The following NEAT1 variants were observed in gnomAD, a reference collection of about 807,000 sequenced individuals.
NEAT1 encodes the protein nuclear paraspeckle assembly transcript 1.
chr11:65,424,912 C>A (rs1856545553), exon 1 of NEAT1: 1 of 151,750 alleles, frequency 6.6e-6, no homozygotes, highest in Non-Finnish European at 1.5e-5. Flanking sequence ...GGCACCGGTC[C>A]CGTGGGCGTT....
exon 1 of NEAT1, chr11:65,426,955 T>C (rs1452495633): frequency 6.6e-6 from 1 of 152,196 alleles, no homozygotes; most frequent in Non-Finnish European, 1.5e-5. Flanking sequence ...GAGGCTGGAA[T>C]GTGCCTGGGA....
chr11:65,444,234 G>A (rs1284554419), exon 1 of NEAT1: 1 of 331,744 alleles, frequency 3.0e-6, no homozygotes, highest in Non-Finnish European at 5.9e-6. Flanking sequence ...CTGCAGACCT[G>A]GCTCGGAGCC....
exon 1 of NEAT1, chr11:65,430,275 C>G (rs1856602722): frequency 6.6e-6 from 1 of 152,658 alleles, no homozygotes; most frequent in South Asian, 2.1e-4. Flanking sequence ...TCCTGGGCCC[C>G]TCTCCCTTTT....
chr11:65,437,195 G>GTATATATATATATATGTATATATATA (rs1171212520), exon 1 of NEAT1: 78 of 129,022 alleles, frequency 6.0e-4, no homozygotes, highest in African/African-American at 2.3e-3. Context: ...ATATATATAT[G>GTATATATATATATATGTATATATATA]TATATATATA....
exon 1 of NEAT1, chr11:65,435,763 A>G (rs943124236): frequency 6.6e-6 from 1 of 152,224 alleles, no homozygotes; most frequent in African/African-American, 2.4e-5. Context: ...TAGTGGCTGC[A>G]GCTGCCTGTC....
At chr11:65,425,599 C>A (rs182248431) in exon 1 of NEAT1, 3 of 152,056 alleles carry the variant, frequency 2.0e-5, no homozygotes, top group African/African-American at 7.2e-5. Context: ...GGGCTTTTAA[C>A]GTATTTAAGG....
exon 1 of NEAT1, chr11:65,443,264 AC>A (rs879534054): frequency 6.6e-5 from 10 of 152,252 alleles, no homozygotes; most frequent in Non-Finnish European, 1.2e-4. Flanking sequence ...GGTATTCCCG[AC>A]ACTAACGCCC....
At chr11:65,441,504 T>C (rs932458882) in exon 1 of NEAT1, 1 of 152,232 alleles carries the variant, frequency 6.6e-6, no homozygotes, top group Non-Finnish European at 1.5e-5. Flanking sequence ...TACTGGGCTA[T>C]TAAATATTTC....
chr11:65,437,195 G>GTATATATATATATATGTATA (rs1171212520), exon 1 of NEAT1: 1 of 129,052 alleles, frequency 7.7e-6, no homozygotes, highest in African/African-American at 3.0e-5. Context: ...ATATATATAT[G>GTATATATATATATATGTATA]TATATATATA....
exon 1 of NEAT1, chr11:65,444,263 CTGTGTGTGTG>C (rs66756887): frequency 0.11 from 26,969 of 252,864 alleles, 899 homozygotes; most frequent in African/African-American, 0.12. Context: ...AGTCCTCAGA[CTGTGTGTGTG>C]TGTGTGTGTG....
At chr11:65,441,435 G>A (rs1479623826) in exon 1 of NEAT1, 2 of 152,308 alleles carry the variant, frequency 1.3e-5, no homozygotes, top group East Asian at 3.9e-4. Flanking sequence ...AAAGTGTTGG[G>A]ATTACAGGTG....
exon 1 of NEAT1, chr11:65,444,579 G>C (rs774110265): frequency 6.4e-6 from 3 of 470,852 alleles, no homozygotes; most frequent in Admixed American, 4.8e-5. Flanking sequence ...CAGAGCTCGT[G>C]GGGGGCTCCC....
chr11:65,426,759 G>A (rs1333909319), exon 1 of NEAT1: 1 of 152,166 alleles, frequency 6.6e-6, no homozygotes, highest in African/African-American at 2.4e-5. Flanking sequence ...GGTAATCATT[G>A]GTTTGAAATG....
At chr11:65,435,455 C>G (rs78656751) in exon 1 of NEAT1, 1 of 152,166 alleles carries the variant, frequency 6.6e-6, no homozygotes, top group East Asian at 1.9e-4. Context: ...TCATATTGTA[C>G]GTGTTGGTAT....
exon 1 of NEAT1, chr11:65,440,857 A>C (rs1213848881): frequency 6.6e-6 from 1 of 151,998 alleles, no homozygotes; most frequent in Non-Finnish European, 1.5e-5. Flanking sequence ...AAAAAAAAAA[A>C]AAAAAAACCA....
exon 1 of NEAT1, chr11:65,438,561 C>G (rs1856686492): frequency 6.6e-6 from 1 of 152,152 alleles, no homozygotes. Context: ...CTTTGGTAAC[C>G]TTTGTTATAC....
At chr11:65,437,523 A>T (rs1856672748) in exon 1 of NEAT1, 1 of 152,028 alleles carries the variant, frequency 6.6e-6, no homozygotes, top group Admixed American at 6.6e-5. Context: ...TGTAATCTGC[A>T]CTTCAAAATA....
chr11:65,440,374 T>C (rs544857941), exon 1 of NEAT1: 26 of 151,760 alleles, frequency 1.7e-4, no homozygotes, highest in Admixed American at 1.6e-3. Flanking sequence ...GGTAAGAGGA[T>C]TGCTTGAGCC....
chr11:65,444,117 A>AGGGGAGATGGACGTGTGAGG (rs1856741484), exon 1 of NEAT1: 2 of 233,080 alleles, frequency 8.6e-6, no homozygotes, highest in Non-Finnish European at 1.7e-5. Flanking sequence ...CGAGGCTGTG[A>AGGGGAGATGGACGTGTGAGG]GGGGAGATGG....
Sources: allele counts gnomAD v4.1 joint callset, GRCh38; gene constraint gnomAD v4.1.1; transcripts MANE v1.5; gene names NCBI Gene and HGNC (gene_info 2026-07-23, HGNC 2026-07-21).